Variants in FOCAD observed in about 807,000 individuals in gnomAD.
FOCAD encodes focadhesin.
Under a neutral mutation model 225.6 loss-of-function variants are expected in FOCAD, and 198 were observed. That is an observed-to-expected ratio of 0.88 (90% CI 0.78 to 0.99). FOCAD has a LOEUF of 0.99. Ranked by LOEUF, FOCAD falls within the 50% of genes least tolerant of loss-of-function variation. FOCAD has a pLI of 0.00. For missense variants in FOCAD, 2,713 were observed against 2,123.6 expected, an observed-to-expected ratio of 1.28 and a Z score of -5.46; for synonymous variants, 897 against 755.0, an observed-to-expected ratio of 1.19 and a Z score of -3.08.
intron 16 of FOCAD, among the ~76,000 whole-genome samples, chr9:20,865,513 T>A (rs1482471525): frequency 1.3e-5 from 2 of 152,056 alleles, no homozygotes; most frequent in African/African-American, 4.8e-5. Context: ...ACGCAGTCAC[T>A]GCCTTAAGTA....
In FOCAD at chr9:20,981,602, ACTGCC is replaced by A; in HGVS notation, c.4556_4560del (p.Leu1519GlnfsTer12). On this transcript the variant is annotated frameshift_variant, in exon 38 of 44. Coordinates refer to ENST00000338382, the MANE Select transcript of FOCAD (RefSeq NM_001375567.1). LOFTEE classifies it high-confidence loss of function. ...TACACGGTCTGAGCCAGGCCATGAA[ACTGCC>A]CAGCCCTGCCCACCACCTCTGGAGT... 1 of 1,613,990 alleles carries A rather than the reference ACTGCC, an allele frequency of 6.2e-7. No individual in the cohort carries two copies. The highest frequency in any genetic ancestry group is 8.5e-7 in the Non-Finnish European group (1 of 1,179,988).
In FOCAD at chr9:20,800,487, A is replaced by C. The variant is rs936624185; in HGVS notation, c.1455+10879A>C. ...CTCCCCATCACTTTCAGGTACACCA[A>C]TCAGATGTAAATTTGGTCTTTTCAC... On this transcript the variant is annotated intron_variant, in intron 11 of 43. Coordinates refer to ENST00000338382, the MANE Select transcript of FOCAD (RefSeq NM_001375567.1). Among the ~76,000 whole-genome samples the C allele has an allele frequency of 3.3e-5, 5 of 152,264 alleles. No individual in the cohort carries two copies. The East Asian group carries it at 9.7e-4, about 30-fold the overall frequency.
rs753232203 is a variant in FOCAD at position 20,781,844 on chromosome 9, A to T, written c.1112A>T (p.Asp371Val). ...GCCTTGGAAGACTGTATATCTGTGG[A>T]TGAAGAAGGTCCCTCTAGGCAGCAG... ...STALEDCISV[D>V]EEGPSRQQLA... is the part of the protein sequence containing the mutation. The change falls in exon 10 of 44, where the codon GAT (aspartate) becomes GTT (valine). Residue 371 changes from aspartate to valine, a missense_variant. Asp to Val is a radical substitution (Grantham distance 152, BLOSUM62 -3). Coordinates refer to ENST00000338382, the MANE Select transcript of FOCAD (RefSeq NM_001375567.1). 1 of 1,614,146 alleles carries T rather than the reference A, an allele frequency of 6.2e-7. No individual in the cohort carries two copies. The highest frequency in any genetic ancestry group is 8.5e-7 in the Non-Finnish European group (1 of 1,179,990).
chr9:20,823,063 C>G lies in FOCAD; in HGVS notation c.1868C>G (p.Ala623Gly), dbSNP rs141228298. ...AATGAATGCACCAAGCCTGATCAAG[C>G]TACTCCAGCAGCCTTGGTATTACAG... ...VLNECTKPDQ[A>G]TPAALVLQGL... The change falls in exon 15 of 44, where the codon GCT (alanine) becomes GGT (glycine). Residue 623 changes from alanine (A) to glycine (G), a missense_variant. Transcript: ENST00000338382. The G allele has an allele frequency of 2.4e-5, 38 of 1,610,014 alleles. No homozygotes were observed. The African/African-American group carries it at 4.7e-4, about 20-fold the overall frequency.
chr9:20,794,391 T>C (rs955500941), intron 11 of FOCAD, among the ~76,000 whole-genome samples: 3 of 152,190 alleles, frequency 2.0e-5, no homozygotes, highest in African/African-American at 7.2e-5. Context: ...AAAATATTCA[T>C]CTAAATATTT....
intron 1 of FOCAD, among the ~76,000 whole-genome samples, chr9:20,700,746 G>A (rs752131643): frequency 1.3e-5 from 2 of 152,112 alleles, no homozygotes; most frequent in Non-Finnish European, 2.9e-5. Flanking sequence ...CTATTTCTTA[G>A]TTTCTGTTTT....
chr9:20,723,848 T>C (rs1825988310), intron 4 of FOCAD, among the ~76,000 whole-genome samples: 1 of 152,188 alleles, frequency 6.6e-6, no homozygotes, highest in African/African-American at 2.4e-5. Context: ...TTATTTTGGC[T>C]TACAGTTCTA....
intron 15 of FOCAD, among the ~76,000 whole-genome samples, chr9:20,850,577 T>C (rs1402592157): frequency 6.6e-6 from 1 of 151,822 alleles, no homozygotes; most frequent in Non-Finnish European, 1.5e-5. Flanking sequence ...TTATACTTCT[T>C]AAATGCCAAT....
At chr9:20,747,450 T>C (rs1268147363) in intron 5 of FOCAD, among the ~76,000 whole-genome samples, 1 of 152,164 alleles carries the variant, frequency 6.6e-6, no homozygotes, top group Non-Finnish European at 1.5e-5. Context: ...AGATATAATT[T>C]ATGTACTATA....
intron 21 of FOCAD, among the ~76,000 whole-genome samples, chr9:20,889,994 T>A (rs1439563247): frequency 2.6e-5 from 4 of 152,174 alleles, no homozygotes; most frequent in African/African-American, 9.6e-5. Context: ...TTTATTTTAA[T>A]TTTTTACTGT....
intron 20 of FOCAD, among the ~76,000 whole-genome samples, chr9:20,883,911 A>G (rs1587499800): frequency 6.6e-6 from 1 of 152,220 alleles, no homozygotes; most frequent in Non-Finnish European, 1.5e-5. Flanking sequence ...AATAAAGATA[A>G]TAAAACTCAG....
At chr9:20,867,352 G>T (rs561651623) in intron 18 of FOCAD, among the ~76,000 whole-genome samples, 2 of 151,984 alleles carry the variant, frequency 1.3e-5, no homozygotes, top group Admixed American at 1.3e-4. Context: ...AGATTTTATA[G>T]CACCTGTGCA....
At position 20,866,917 on chromosome 9, in the gene FOCAD, T is replaced by TTTTTTTTTTAAAAAA; in HGVS notation, c.2107-12_2107-11insTTTTTTTTTAAAAAA. On this transcript the variant is annotated splice_polypyrimidine_tract_variant and intron_variant, in intron 17 of 43. Coordinates refer to ENST00000338382, the MANE Select transcript of FOCAD (RefSeq NM_001375567.1). ...TTTTTTTTTTTTTTTTTTTTTTTTT[T>TTTTTTTTTTAAAAAA]ACCCTATCTAGGACCCAATTGTAGC... The TTTTTTTTTTAAAAAA allele has an allele frequency of 2.6e-6, 2 of 764,970 alleles. No homozygotes were observed. Among genetic ancestry groups the TTTTTTTTTTAAAAAA allele is most frequent in the South Asian group, 1.8e-5 (1 of 54,450 alleles). The allele number at this position is 764,970 out of a possible 1,614,324, so 47.4% of individuals were successfully genotyped here.
chr9:20,709,829 A>G (rs2131465889), intron 1 of FOCAD, among the ~76,000 whole-genome samples: 1 of 152,302 alleles, frequency 6.6e-6, no homozygotes, highest in African/African-American at 2.4e-5. Context: ...GAGGTGTCAC[A>G]CTGAAATTAG....
chr9:20,866,916 T>TAAAAAAAA lies in FOCAD; in HGVS notation c.2107-13_2107-12insAAAAAAAA. ...TTTTTTTTTTTTTTTTTTTTTTTTT[T>TAAAAAAAA]TACCCTATCTAGGACCCAATTGTAG... On this transcript the variant is annotated splice_polypyrimidine_tract_variant and intron_variant, in intron 17 of 43. Transcript: ENST00000338382. The TAAAAAAAA allele has an allele frequency of 2.3e-6, 2 of 885,978 alleles. No individual in the cohort carries two copies. The highest frequency in any genetic ancestry group is 3.3e-6 in the Non-Finnish European group (2 of 600,118). The allele number at this position is 885,978 out of a possible 1,614,324, so 54.9% of individuals were successfully genotyped here.
rs185480322 is a variant in FOCAD at position 20,938,588 on chromosome 9, G to A, written c.3407+5485G>A. Among the ~76,000 whole-genome samples the A allele has an allele frequency of 2.2e-3, 333 of 152,100 alleles. 10 individuals carry two copies. The East Asian group carries it at 0.043, about 19-fold the overall frequency. Reference sequence around the variant, plus strand: ...ACACGGGGGCCTGTTGTGGGGTGGGGGGAGTGGGGAGGGATAGCATTAGGG... The same window carrying A: ...ACACGGGGGCCTGTTGTGGGGTGGGAGGAGTGGGGAGGGATAGCATTAGGG... On this transcript the variant is annotated intron_variant, in intron 28 of 43. Transcript: ENST00000338382.
rs564217841 is a variant in FOCAD, at chr9:20,974,669, C to G, written c.4133-1751C>G. ...CGTTTGCTGACTCTACCCTACTTCC[C>G]CCTTCTTTCAGCATCTGTTCATGGC... On this transcript the variant is annotated intron_variant, in intron 35 of 43. Coordinates refer to ENST00000338382, the MANE Select transcript of FOCAD (RefSeq NM_001375567.1). 1.2e-4 allele frequency among the ~76,000 whole-genome samples: 15 copies of G among 129,204 alleles called. 1 individual carries two copies. Among genetic ancestry groups the G allele is most frequent in the Admixed American group, 1.1e-3 (13 of 12,184 alleles). The allele number at this position is 129,204 out of a possible 152,430, so 84.8% of individuals were successfully genotyped here. A position where few individuals can be genotyped will look rare whatever the true frequency, so the allele number is the denominator to read the frequency against.
intron 2 of FOCAD, among the ~76,000 whole-genome samples, chr9:20,660,487 A>G (rs1199025873): frequency 6.6e-6 from 1 of 152,220 alleles, no homozygotes; most frequent in Non-Finnish European, 1.5e-5. Flanking sequence ...TTATGGAAAA[A>G]TATTCAGATC....
intron 11 of FOCAD, among the ~76,000 whole-genome samples, chr9:20,794,324 A>G (rs1368079531): frequency 6.6e-6 from 1 of 152,224 alleles, no homozygotes; most frequent in Non-Finnish European, 1.5e-5. Flanking sequence ...AAGAGATTTG[A>G]GAAATTAAAA....
Sources: gnomAD v4.1 joint callset for allele counts (sites outside exome capture counted in the v4.1 genomes callset) on GRCh38, gnomAD v4.1.1 for gene constraint, MANE v1.5 for transcripts, NCBI Gene and HGNC (gene_info 2026-07-23, HGNC 2026-07-21) for gene names.